Variants in LRRC15 observed in about 807,000 individuals in gnomAD.
LRRC15 encodes the protein leucine-rich repeat-containing protein 15.
LRRC15 carries 5 observed loss-of-function variants against 4.3 expected under a neutral mutation model. The ratio of observed to expected loss-of-function variants is 1.16; its 90% CI spans 0.61 to 2.44. LRRC15 has a LOEUF of 2.44. Among genes scored for constraint, LRRC15 ranks in the 30% most tolerant of loss-of-function variants. The probability of loss-of-function intolerance (pLI) is 0.01; values close to 1 mark genes in which losing one functional copy is unlikely to be tolerated. For synonymous variants in LRRC15, 337 were observed against 323.2 expected, an observed-to-expected ratio of 1.04 and a Z score of -0.46; for missense variants, 769 against 747.0, an observed-to-expected ratio of 1.03 and a Z score of -0.34.
At chr3:194,367,626 G>A (rs1225424678) in intron 1 of LRRC15, among the ~76,000 whole-genome samples, 2 of 152,174 alleles carry the variant, frequency 1.3e-5, no homozygotes. Context: ...TTTGAAACTG[G>A]GACAGCTGCA....
intron 1 of LRRC15, among the ~76,000 whole-genome samples, chr3:194,365,026 C>T (rs1174520596): frequency 6.6e-6 from 1 of 152,260 alleles, no homozygotes; most frequent in African/African-American, 2.4e-5. Flanking sequence ...TAATAGCCCA[C>T]GCTGCCTGGT....
chr3:194,363,086 G>T (rs981195462), intron 1 of LRRC15, among the ~76,000 whole-genome samples: 1 of 151,892 alleles, frequency 6.6e-6, no homozygotes, highest in Admixed American at 6.6e-5. Context: ...GAATTAAGGC[G>T]CATGCCACCA....
At chr3:194,369,323 A>AG (rs761702133) in intron 1 of LRRC15, among the ~76,000 whole-genome samples, 1 of 152,160 alleles carries the variant, frequency 6.6e-6, no homozygotes, top group African/African-American at 2.4e-5. Context: ...TCCAGTGACA[A>AG]GGGGGGTGAT....
chr3:194,363,574 C>T (rs1239481573), intron 1 of LRRC15, among the ~76,000 whole-genome samples: 1 of 152,126 alleles, frequency 6.6e-6, no homozygotes, highest in Non-Finnish European at 1.5e-5. Flanking sequence ...GGAGGCTGCC[C>T]ACAAAAGCTA....
Position 194,360,212 on chromosome 3 carries a change from C to A in LRRC15, c.832G>T (p.Gly278Trp). Reference sequence around the variant, plus strand: ...GGAGAGAGCTCCTTCAGGGAATTCCCAAAGAGAGTAAGACGGTTGAGCTGG... The same window carrying A: ...GGAGAGAGCTCCTTCAGGGAATTCCAAAAGAGAGTAAGACGGTTGAGCTGG... ...LPQLNRLTLFGNSLKELSPGI... is the reference protein window; with the variant it reads ...LPQLNRLTLFWNSLKELSPGI... The change falls in exon 2 of 2, where the codon GGG becomes TGG. Residue 278 changes from glycine (G) to tryptophan (W), a missense_variant. Coordinates refer to ENST00000347624, the MANE Select transcript of LRRC15 (RefSeq NM_130830.5). 3.7e-6 allele frequency: 6 copies of A among 1,613,824 alleles called. No individual in the cohort carries two copies. The highest frequency in any genetic ancestry group is 5.1e-6 in the Non-Finnish European group (6 of 1,179,762).
intron 1 of LRRC15, among the ~76,000 whole-genome samples, chr3:194,364,852 G>C (rs371464799): frequency 1.8e-3 from 280 of 152,348 alleles, no homozygotes; most frequent in Middle Eastern, 6.8e-3. Context: ...GGCGGCCAGG[G>C]CTCCACAGGG....
chr3:194,359,514 G>A lies in LRRC15; in HGVS notation c.1530C>T (p.Ser510=), dbSNP rs1041627766. 1 of 1,614,226 alleles carries A rather than the reference G, an allele frequency of 6.2e-7. No homozygotes were observed. Among genetic ancestry groups the A allele is most frequent in the Admixed American group, 1.7e-5 (1 of 60,026 alleles). The part of the protein sequence containing the change: ...TSVSSTTELT[S]PVEDYTDLTT... ...TCAGATCAGTGTAGTCTTCCACAGG[G>A]CTGGTTAGCTCAGTGGTAGAAGAGA... The change falls in exon 2 of 2, where the codon AGC becomes AGT. Residue 510 remains serine, a synonymous_variant. Coordinates refer to ENST00000347624, the MANE Select transcript of LRRC15 (RefSeq NM_130830.5).
chr3:194,363,951 A>G (rs766937133), intron 1 of LRRC15, among the ~76,000 whole-genome samples: 1 of 152,208 alleles, frequency 6.6e-6, no homozygotes, highest in African/African-American at 2.4e-5. Flanking sequence ...GCCACGGGAT[A>G]CAGAAAGAAC....
rs569532122 is a variant in LRRC15, at chr3:194,361,770, T to TGCCCA, written c.-3-729_-3-725dup. Among the ~76,000 whole-genome samples, 33 of 152,324 alleles carry TGCCCA rather than the reference T, an allele frequency of 2.2e-4. No individual in the cohort carries two copies. In the South Asian group the frequency reaches 5.0e-3, roughly 23 times the overall value. On this transcript the variant is annotated intron_variant, in intron 1 of 1. Coordinates refer to ENST00000347624, the MANE Select transcript of LRRC15 (RefSeq NM_130830.5). ...TCCTCACCCTCGCCTGGGCCTGCCC[T>TGCCCA]GCCCAGCCCATCACCACCAACCATC... is the stretch of plus-strand genomic sequence containing the variant.
intron 1 of LRRC15, among the ~76,000 whole-genome samples, chr3:194,363,132 G>T (rs762079415): frequency 6.6e-6 from 1 of 151,896 alleles, no homozygotes; most frequent in Non-Finnish European, 1.5e-5. Context: ...GTAAAGACAG[G>T]GTTTCACCAT....
At chr3:194,361,091 G>C in intron 1 of LRRC15, 45 bp from the exon 2 acceptor site, 6 of 1,449,142 alleles carry the variant, frequency 4.1e-6, no homozygotes, top group Non-Finnish European at 5.4e-6. Context: ...TCCTCTACCT[G>C]ACACTGGCAA....
In LRRC15 at chr3:194,360,796, C is replaced by T. The variant is rs148063307; in HGVS notation, c.248G>A (p.Arg83Lys). The change falls in exon 2 of 2, where the codon AGG becomes AAG. Residue 83 changes from arginine to lysine, a missense_variant. Transcript: ENST00000347624. ...GCGCGACAGCTCATTCTTCTCAATC[C>T]TCAGGGCGATGAGGGCTGAGATATT... ...FLNISALIAL[R>K]IEKNELSRIT... 1.1e-4 allele frequency: 176 copies of T among 1,614,222 alleles called. No individual in the cohort carries two copies. In the African/African-American group the frequency reaches 2.1e-3, roughly 19 times the overall value.
At position 194,360,784 on chromosome 3, in the gene LRRC15, T is replaced by A; in HGVS notation, c.260A>T (p.Asn87Ile). ...CCCAGGCGTGATGCGCGACAGCTCA[T>A]TCTTCTCAATCCTCAGGGCGATGAG... is the stretch of plus-strand genomic sequence containing the variant. ...SALIALRIEK[N>I]ELSRITPGAF... Residue 87 changes from asparagine (N) to isoleucine (I), a missense_variant, in exon 2 of 2, where the codon AAT (asparagine) becomes ATT (isoleucine). Coordinates refer to ENST00000347624, the MANE Select transcript of LRRC15 (RefSeq NM_130830.5). 1 of 1,614,244 alleles carries A rather than the reference T, an allele frequency of 6.2e-7. No homozygotes were observed. Among genetic ancestry groups the A allele is most frequent in the Non-Finnish European group, 8.5e-7 (1 of 1,180,040 alleles).
In LRRC15 at chr3:194,359,324, G is replaced by A; in HGVS notation, c.1720C>T (p.Gln574Ter). The change falls in exon 2 of 2, where the codon CAG (glutamine) becomes TAG (stop). Residue 574 changes from glutamine to a stop codon, truncating the protein, a stop_gained. Coordinates refer to ENST00000347624, the MANE Select transcript of LRRC15 (RefSeq NM_130830.5). LOFTEE classifies it high-confidence loss of function. ...TAACACTCATTGGGTGCCTTCATCT[G>A]CATCAGGACAGCTTGGCTCCTCTTC... ...CKKRSQAVLM[Q>*]MKAPNEC The A allele has an allele frequency of 6.2e-7, 1 of 1,606,078 alleles. No homozygotes were observed. The highest frequency in any genetic ancestry group is 8.5e-7 in the Non-Finnish European group (1 of 1,175,320).
chr3:194,364,603 C>T (rs897015608), intron 1 of LRRC15, among the ~76,000 whole-genome samples: 4 of 152,084 alleles, frequency 2.6e-5, no homozygotes, highest in African/African-American at 4.8e-5. Context: ...TGGGGAGGGG[C>T]ATCAAGCCAG....
At position 194,359,184 on chromosome 3, in the gene LRRC15, G is replaced by T; in HGVS notation, c.*114C>A. On this transcript the variant is annotated 3_prime_UTR_variant, in exon 2 of 2. Transcript: ENST00000347624. ...AAGAGGTAGGCTCACCTTTCTCTGGGGCCAGAAAGAGCAATCACGGGAAAG... is the reference window on the plus strand; with the variant it reads ...AAGAGGTAGGCTCACCTTTCTCTGGTGCCAGAAAGAGCAATCACGGGAAAG... 1 of 1,012,958 alleles carries T rather than the reference G, an allele frequency of 9.9e-7. No homozygotes were observed. Among genetic ancestry groups the T allele is most frequent in the Non-Finnish European group, 1.4e-6 (1 of 698,538 alleles). The allele number at this position is 1,012,958 out of a possible 1,614,324, so 62.7% of individuals were successfully genotyped here. A position where few individuals can be genotyped will look rare whatever the true frequency, so the allele number is the denominator to read the frequency against.
intron 1 of LRRC15, among the ~76,000 whole-genome samples, chr3:194,361,887 T>C (rs891741191): frequency 2.0e-5 from 3 of 152,222 alleles, no homozygotes; most frequent in South Asian, 2.1e-4. Flanking sequence ...GTCTGCACCA[T>C]GTCCTGCCTC....
rs770171545 is a variant in LRRC15 at position 194,360,218 on chromosome 3, G to C, written c.826C>G (p.Leu276Val). 1 of 1,613,848 alleles carries C rather than the reference G, an allele frequency of 6.2e-7. No homozygotes were observed. The highest frequency in any genetic ancestry group is 8.5e-7 in the Non-Finnish European group (1 of 1,179,766). The change falls in exon 2 of 2, where the codon CTC (leucine) becomes GTC (valine). Residue 276 changes from leucine to valine, a missense_variant. Transcript: ENST00000347624. ...AGCTCCTTCAGGGAATTCCCAAAGA[G>C]AGTAAGACGGTTGAGCTGGGGCAGC... is the stretch of plus-strand genomic sequence containing the variant. Reference protein sequence around the residue: ...MQLPQLNRLTLFGNSLKELSP... With the variant: ...MQLPQLNRLTVFGNSLKELSP...
chr3:194,360,611 A>T lies in LRRC15; in HGVS notation c.433T>A (p.Phe145Ile). ...NQLLQIQPAH[F>I]SQCSNLKELQ... The stretch of plus-strand genomic sequence containing the variant: ...TCCTTGAGGTTGCTGCACTGGGAGA[A>T]GTGGGCCGGCTGGATCTGCAACAGC... Residue 145 changes from phenylalanine to isoleucine, a missense_variant, in exon 2 of 2, where the codon TTC (phenylalanine) becomes ATC (isoleucine). By Grantham distance (21) the Phe-to-Ile change is conservative. Coordinates refer to ENST00000347624, the MANE Select transcript of LRRC15 (RefSeq NM_130830.5). 6.2e-7 allele frequency: 1 copy of T among 1,614,062 alleles called. No individual in the cohort carries two copies. Among genetic ancestry groups the T allele is most frequent in the Non-Finnish European group, 8.5e-7 (1 of 1,180,006 alleles).
Sources: allele counts gnomAD v4.1 joint callset (sites outside exome capture counted in the v4.1 genomes callset), GRCh38; gene constraint gnomAD v4.1.1; transcripts MANE v1.5; gene names NCBI Gene and HGNC (gene_info 2026-07-23, HGNC 2026-07-21).